The following IQCH variants were observed in gnomAD, a reference collection of about 807,000 sequenced individuals.
IQCH encodes IQ motif containing H.
In IQCH, 98 loss-of-function variants were observed where a neutral mutation model predicts 117.0. The ratio of observed to expected loss-of-function variants is 0.84; its 90% confidence interval spans 0.71 to 0.99. The LOEUF (loss-of-function observed/expected upper bound fraction) is 0.99. Ranked by LOEUF, IQCH falls within the 50% of genes least tolerant of loss-of-function variation. The probability of loss-of-function intolerance (pLI) is 0.00; values close to 1 mark genes in which losing one functional copy is unlikely to be tolerated. For synonymous variants in IQCH, 412 were observed against 448.2 expected (o/e 0.92, Z 1.02); for missense variants, 1,102 against 1,243.8 (o/e 0.89, Z 1.72).
In IQCH at chr15:67,391,796, T is replaced by C. The variant is rs1317288751; in HGVS notation, c.1632+2790T>C. 6.6e-6 allele frequency among the ~76,000 whole-genome samples: 1 copy of C among 152,204 alleles called. No individual in the cohort carries two copies. Among genetic ancestry groups the C allele is most frequent in the Admixed American group, 6.5e-5 (1 of 15,280 alleles). On this transcript the variant is annotated intron_variant, in intron 12 of 20. Transcript: ENST00000335894. The surrounding 1 kb of genome is among the most constrained non-coding windows in gnomAD (Gnocchi z 4.3). ...TTTATTAAACACATATTGAACACAATACTGTGGCAGCATCTTGCCTGGAGT... is the reference window on the plus strand; with the variant it reads ...TTTATTAAACACATATTGAACACAACACTGTGGCAGCATCTTGCCTGGAGT...
chr15:67,347,546 G>GA (rs556075977), intron 6 of IQCH, among the ~76,000 whole-genome samples: 6 of 151,010 alleles, frequency 4.0e-5, no homozygotes, highest in East Asian at 1.9e-4. Context: ...AACATTGTAA[G>GA]AAAAAAAATG....
chr15:67,329,475 C>A lies in IQCH; in HGVS notation c.388-7500C>A, dbSNP rs117536130. ...TATGTAAAATAGGATTTTATAAATT[C>A]AAAGTATCATGATATAGAAACCAGG... On this transcript the variant is annotated intron_variant, in intron 4 of 20. Coordinates refer to ENST00000335894, the MANE Select transcript of IQCH (RefSeq NM_001031715.3). 2.9e-4 allele frequency among the ~76,000 whole-genome samples: 44 copies of A among 151,882 alleles called. No individual in the cohort carries two copies. The East Asian group carries it at 8.6e-3, about 30-fold the overall frequency.
chr15:67,335,595 C>T (rs928565359), intron 4 of IQCH, among the ~76,000 whole-genome samples: 2 of 152,096 alleles, frequency 1.3e-5, no homozygotes, highest in African/African-American at 4.8e-5. Flanking sequence ...GGAAGCTACT[C>T]ATGTCTGGAG....
intron 5 of IQCH, among the ~76,000 whole-genome samples, chr15:67,343,179 C>T (rs571732890): frequency 6.6e-6 from 1 of 152,268 alleles, no homozygotes; most frequent in South Asian, 2.1e-4. Context: ...GTGCCAAATT[C>T]TTCAACTTAG....
rs181796055 is a variant in IQCH at position 67,381,721 on chromosome 15, C to A, written c.1373-3215C>A. 6.6e-6 allele frequency among the ~76,000 whole-genome samples: 1 copy of A among 152,108 alleles called. No individual in the cohort carries two copies. On this transcript the variant is annotated intron_variant, in intron 10 of 20. Coordinates refer to ENST00000335894, the MANE Select transcript of IQCH (RefSeq NM_001031715.3). The surrounding 1 kb of genome is among the most constrained non-coding windows in gnomAD (Gnocchi z 5.1). The stretch of plus-strand genomic sequence containing the variant: ...ACAGGCCGGACATGGTGGCTCATGC[C>A]TATAATACCAGCACTTTGGGAGGCT...
chr15:67,467,516 T>C lies in IQCH; in HGVS notation c.2676+2219T>C, dbSNP rs968045456. ...CTCTTAAATCACTAGAGAAAAGCTATGCAGGTTTTCTGGTGTAGGAATAAA... is the reference window on the plus strand; with the variant it reads ...CTCTTAAATCACTAGAGAAAAGCTACGCAGGTTTTCTGGTGTAGGAATAAA... On this transcript the variant is annotated intron_variant, in intron 17 of 20. Transcript: ENST00000335894. The surrounding 1 kb of genome is among the most constrained non-coding windows in gnomAD (Gnocchi z 5.7). Among the ~76,000 whole-genome samples the C allele has an allele frequency of 6.6e-6, 1 of 152,234 alleles. No homozygotes were observed. Among genetic ancestry groups the C allele is most frequent in the Admixed American group, 6.5e-5 (1 of 15,278 alleles).
At position 67,345,065 on chromosome 15, in the gene IQCH, C is replaced by T. The variant is rs191074624; in HGVS notation, c.637+874C>T. Among the ~76,000 whole-genome samples, 24 of 152,310 alleles carry T rather than the reference C, an allele frequency of 1.6e-4. No individual in the cohort carries two copies. In the East Asian group the frequency reaches 4.1e-3, roughly 26 times the overall value. On this transcript the variant is annotated intron_variant, in intron 6 of 20. Coordinates refer to ENST00000335894, the MANE Select transcript of IQCH (RefSeq NM_001031715.3). Reference sequence around the variant, plus strand: ...AGTGCAATGGCGCAATCTTGGCTCACTGCAACCTCTGCCTCCTGGATTCAA... The same window carrying T: ...AGTGCAATGGCGCAATCTTGGCTCATTGCAACCTCTGCCTCCTGGATTCAA...
At chr15:67,414,494 A>G (rs2081525451) in intron 14 of IQCH, among the ~76,000 whole-genome samples, 1 of 151,952 alleles carries the variant, frequency 6.6e-6, no homozygotes, top group African/African-American at 2.4e-5. Context: ...AAGTGAGGCC[A>G]CATTAGGAGC....
chr15:67,283,736 T>C (rs1198001847), intron 4 of IQCH, among the ~76,000 whole-genome samples: 1 of 152,170 alleles, frequency 6.6e-6, no homozygotes, highest in East Asian at 1.9e-4. Context: ...TCAAAATATT[T>C]AGATAAAACT....
At position 67,474,512 on chromosome 15, in the gene IQCH, A is replaced by G. The variant is rs537014196; in HGVS notation, c.2677-1184A>G. Reference sequence around the variant, plus strand: ...ACATGCTATAAAACTGCCAGGATCCAGTTCTTTATCTGGTACATATTAAAT... The same window carrying G: ...ACATGCTATAAAACTGCCAGGATCCGGTTCTTTATCTGGTACATATTAAAT... On this transcript the variant is annotated intron_variant, in intron 17 of 20. Coordinates refer to ENST00000335894, the MANE Select transcript of IQCH (RefSeq NM_001031715.3). The surrounding 1 kb of genome is among the most constrained non-coding windows in gnomAD (Gnocchi z 4.1). 4.8e-4 allele frequency among the ~76,000 whole-genome samples: 73 copies of G among 152,336 alleles called. No homozygotes were observed. The highest frequency in any genetic ancestry group is 8.4e-4 in the Non-Finnish European group (57 of 68,032).
Position 67,370,934 on chromosome 15 carries a change from T to G in IQCH, c.754-1177T>G, listed in dbSNP as rs1197351847. Reference sequence around the variant, plus strand: ...GATATAGTAATACTCAACACAGTGCTGTGGCGTAATCATTATGGATAAATT... The same window carrying G: ...GATATAGTAATACTCAACACAGTGCGGTGGCGTAATCATTATGGATAAATT... On this transcript the variant is annotated intron_variant, in intron 8 of 20. Coordinates refer to ENST00000335894, the MANE Select transcript of IQCH (RefSeq NM_001031715.3). This position sits in a 1 kb window ranked among gnomAD's most constrained non-coding sequence, Gnocchi z 5.6. 1.4e-5 allele frequency among the ~76,000 whole-genome samples: 2 copies of G among 146,826 alleles called. No homozygotes were observed. The highest frequency in any genetic ancestry group is 5.0e-5 in the African/African-American group (2 of 39,968).
intron 10 of IQCH, among the ~76,000 whole-genome samples, chr15:67,377,115 C>CAAAAAAAA (rs5813442): frequency 2.4e-4 from 20 of 81,690 alleles, no homozygotes; most frequent in Admixed American, 3.5e-4. Flanking sequence ...GACTCCATCT[C>CAAAAAAAA]AAAAAAAAAA....
At chr15:67,336,666 G>A (rs1237264501) in intron 4 of IQCH, among the ~76,000 whole-genome samples, 3 of 152,050 alleles carry the variant, frequency 2.0e-5, no homozygotes, top group Admixed American at 1.3e-4. Context: ...TCAAGATTTA[G>A]CATTTGTATA....
At chr15:67,439,770 C>T (rs2082220557) in intron 16 of IQCH, among the ~76,000 whole-genome samples, 1 of 151,792 alleles carries the variant, frequency 6.6e-6, no homozygotes, top group African/African-American at 2.4e-5. Flanking sequence ...TGCCTGTAGT[C>T]CCAGCTACTT....
chr15:67,308,090 A>G (rs1266621056), intron 4 of IQCH, among the ~76,000 whole-genome samples: 1 of 152,064 alleles, frequency 6.6e-6, no homozygotes, highest in African/African-American at 2.4e-5. Flanking sequence ...ATGGAGGCCC[A>G]CCCTTGAATT....
chr15:67,305,000 G>A (rs1967228069), intron 4 of IQCH, among the ~76,000 whole-genome samples: 1 of 152,032 alleles, frequency 6.6e-6, no homozygotes, highest in Admixed American at 6.6e-5. Context: ...TTTTGCCATT[G>A]ACTAGATGCT....
intron 1 of IQCH, among the ~76,000 whole-genome samples, chr15:67,260,570 T>G (rs533811015): frequency 3.5e-4 from 54 of 152,210 alleles, no homozygotes; most frequent in African/African-American, 1.2e-3. Context: ...TGCTACAACT[T>G]CTTTGCTGGA....
intron 1 of IQCH, among the ~76,000 whole-genome samples, chr15:67,257,035 T>G (rs1310342539): frequency 6.6e-6 from 1 of 152,238 alleles, no homozygotes. Flanking sequence ...GGGCTATGAT[T>G]TATTTCCCTC....
rs1271923911 is a variant in IQCH, at chr15:67,456,499, G to T, written c.2506-8628G>T. ...ATTCTCAGTCAGCCAGGACAGTGCTGGTTAAGACCTCCCTAAGCCCTGAGT... is the reference window on the plus strand; with the variant it reads ...ATTCTCAGTCAGCCAGGACAGTGCTTGTTAAGACCTCCCTAAGCCCTGAGT... On this transcript the variant is annotated intron_variant, in intron 16 of 20. Transcript: ENST00000335894. The surrounding 1 kb of genome is among the most constrained non-coding windows in gnomAD (Gnocchi z 5.1). Among the ~76,000 whole-genome samples the T allele has an allele frequency of 6.6e-6, 1 of 152,064 alleles. No homozygotes were observed. Among genetic ancestry groups the T allele is most frequent in the East Asian group, 1.9e-4 (1 of 5,194 alleles).
Sources: allele counts gnomAD v4.1 joint callset (sites outside exome capture counted in the v4.1 genomes callset), GRCh38; gene constraint gnomAD v4.1.1; non-coding constraint Gnocchi (gnomAD v3.1); transcripts MANE v1.5; gene names NCBI Gene and HGNC (gene_info 2026-07-23, HGNC 2026-07-21).